The following OR6C76 variants were observed in gnomAD, a reference collection of about 807,000 sequenced individuals.
OR6C76 encodes the protein olfactory receptor family 6 subfamily C member 76, also known as olfactory receptor 6C76.
For synonymous variants in OR6C76, 140 were observed against 137.8 expected (o/e 1.02, Z -0.11); for missense variants, 352 against 357.3 (o/e 0.99, Z 0.12).
rs747017448 is a variant in OR6C76 at position 55,426,800 on chromosome 12, C to T, written c.547C>T (p.Gln183Ter). The change falls in exon 1 of 1, where the codon CAA becomes TAA. Residue 183 changes from glutamine to a stop codon, truncating the protein, a stop_gained. Coordinates refer to ENST00000328314, the MANE Select transcript of OR6C76 (RefSeq NM_001005183.1). LOFTEE classifies it low-confidence loss of function (END_TRUNC). ...TACCTGTGACTCTGCTCCTTTGCTG[C>T]AAATCTCTTGCACAGACACAAGTAC... The part of the protein sequence containing the change: ...HFTCDSAPLL[Q>*]ISCTDTSTLE... 1.9e-6 allele frequency: 3 copies of T among 1,613,520 alleles called. No individual in the cohort carries two copies. The South Asian group carries it at 3.3e-5, about 18-fold the overall frequency.
rs1565685971 is a variant in OR6C76, at chr12:55,427,173, A to C, written c.920A>C (p.His307Pro). ...AFKDVLRKIS[H>P]KKKKH is the part of the protein sequence containing the mutation. ...AAGGATGTTCTGAGAAAGATTTCCC[A>C]CAAAAAAAAAAAACACTGATTTGAA... is the stretch of plus-strand genomic sequence containing the variant. Residue 307 changes from histidine (H) to proline (P), a missense_variant, in exon 1 of 1, where the codon CAC becomes CCC. By Grantham distance (77) the His-to-Pro change is moderately conservative. Transcript: ENST00000328314. 1.3e-6 allele frequency: 2 copies of C among 1,519,650 alleles called. No homozygotes were observed. Among genetic ancestry groups the C allele is most frequent in the East Asian group, 2.3e-5 (1 of 43,568 alleles). 94.1% of individuals were successfully genotyped at this position (1,519,650 alleles called of 1,614,324 possible). A position where few individuals can be genotyped will look rare whatever the true frequency, so the allele number is the denominator to read the frequency against.
Position 55,426,310 on chromosome 12 carries a change from G to T in OR6C76, c.57G>T (p.Pro19=), listed in dbSNP as rs562370919. The T allele has an allele frequency of 2.5e-5, 41 of 1,612,508 alleles. 2 individuals carry two copies. The highest frequency in any genetic ancestry group is 3.3e-4 in the Middle Eastern group (2 of 6,058). Residue 19 remains proline, a synonymous_variant, in exon 1 of 1, where the codon CCG becomes CCT. Coordinates refer to ENST00000328314, the MANE Select transcript of OR6C76 (RefSeq NM_001005183.1). ...DFILLGLTDN[P]QLQVVIFSFL... Reference sequence around the variant, plus strand: ...TCCTTCTGGGTCTGACGGATAATCCGCAACTGCAGGTTGTGATTTTCTCGT... The same window carrying T: ...TCCTTCTGGGTCTGACGGATAATCCTCAACTGCAGGTTGTGATTTTCTCGT...
chr12:55,426,972 CA>C lies in OR6C76; in HGVS notation c.720del (p.His241MetfsTer2). 1 of 1,613,526 alleles carries C rather than the reference CA, an allele frequency of 6.2e-7. No individual in the cohort carries two copies. Among genetic ancestry groups the C allele is most frequent in the Non-Finnish European group, 8.5e-7 (1 of 1,179,692 alleles). ...AAAAAAGCCTTTTCAACCTGCTCCT[CA>C]CATGTGATTGTTGTCTCTATCTCTT... is the stretch of plus-strand genomic sequence containing the variant. ...QRKKAFSTCS[S>X]HVIVVSISYG... On this transcript the variant is annotated frameshift_variant, in exon 1 of 1. Transcript: ENST00000328314. LOFTEE classifies it low-confidence loss of function (END_TRUNC).
Position 55,426,331 on chromosome 12 carries a change from C to T in OR6C76, c.78C>T (p.Phe26=), listed in dbSNP as rs1172901675. The stretch of plus-strand genomic sequence containing the variant: ...ATCCGCAACTGCAGGTTGTGATTTT[C>T]TCGTTCCTATTTCTTACGTATGTAC... ...TDNPQLQVVI[F]SFLFLTYVLS... The change falls in exon 1 of 1, where the codon TTC becomes TTT. Residue 26 remains phenylalanine, a synonymous_variant. Coordinates refer to ENST00000328314, the MANE Select transcript of OR6C76 (RefSeq NM_001005183.1). The T allele has an allele frequency of 5.6e-6, 9 of 1,613,256 alleles. 1 individual carries two copies. Among genetic ancestry groups the T allele is most frequent in the African/African-American group, 5.3e-5 (4 of 74,864 alleles).
At position 55,426,666 on chromosome 12, in the gene OR6C76, G is replaced by A. The variant is rs756557449; in HGVS notation, c.413G>A (p.Cys138Tyr). ...HYTTIMSDRICYQLIISSWLA... is the reference protein window; with the variant it reads ...HYTTIMSDRIYYQLIISSWLA... ...ACAACCATCATGAGTGACAGGATCTGTTATCAGCTTATAATCAGCTCTTGG... is the reference window on the plus strand; with the variant it reads ...ACAACCATCATGAGTGACAGGATCTATTATCAGCTTATAATCAGCTCTTGG... Residue 138 changes from cysteine to tyrosine, a missense_variant, in exon 1 of 1, where the codon TGT becomes TAT. By Grantham distance (194) the Cys-to-Tyr change is radical (BLOSUM62 -2). Transcript: ENST00000328314. The A allele has an allele frequency of 2.5e-6, 4 of 1,613,620 alleles. No individual in the cohort carries two copies. Among genetic ancestry groups the A allele is most frequent in the Non-Finnish European group, 3.4e-6 (4 of 1,179,856 alleles).
Position 55,426,827 on chromosome 12 carries a change from C to T in OR6C76, c.574C>T (p.Leu192=), listed in dbSNP as rs781000112. Residue 192 remains leucine, a synonymous_variant, in exon 1 of 1, where the codon CTA becomes TTA. Coordinates refer to ENST00000328314, the MANE Select transcript of OR6C76 (RefSeq NM_001005183.1). ...LQISCTDTST[L]ELMSFILALF... is the part of the protein sequence containing the mutation. The stretch of plus-strand genomic sequence containing the variant: ...AATCTCTTGCACAGACACAAGTACT[C>T]TAGAGCTCATGAGCTTTATTTTAGC... 47 of 1,613,482 alleles carry T rather than the reference C, an allele frequency of 2.9e-5. No individual in the cohort carries two copies. The East Asian group carries it at 1.0e-3, about 34-fold the overall frequency.
Position 55,426,609 on chromosome 12 carries a change from G to T in OR6C76, c.356G>T (p.Cys119Phe). 1 of 1,613,650 alleles carries T rather than the reference G, an allele frequency of 6.2e-7. No homozygotes were observed. The stretch of plus-strand genomic sequence containing the variant: ...CTCCTGGCCTCTATGTCCTATGATT[G>T]CTATGTGGCTATATGTAAGCCTCTG... ...FFLLASMSYD[C>F]YVAICKPLHY... The change falls in exon 1 of 1, where the codon TGC becomes TTC. Residue 119 changes from cysteine to phenylalanine, a missense_variant. Coordinates refer to ENST00000328314, the MANE Select transcript of OR6C76 (RefSeq NM_001005183.1).
rs748078011 is a variant in OR6C76 at position 55,426,711 on chromosome 12, T to C, written c.458T>C (p.Ile153Thr). ...ISSWLAGFLVIFPPLAMGLQL... is the reference protein window; with the variant it reads ...ISSWLAGFLVTFPPLAMGLQL... ...TCTTGGCTGGCTGGTTTCTTGGTAATTTTTCCACCACTGGCCATGGGCTTA... is the reference window on the plus strand; with the variant it reads ...TCTTGGCTGGCTGGTTTCTTGGTAACTTTTCCACCACTGGCCATGGGCTTA... Residue 153 changes from isoleucine to threonine, a missense_variant, in exon 1 of 1, where the codon ATT becomes ACT. Transcript: ENST00000328314. The C allele has an allele frequency of 4.3e-5, 69 of 1,613,340 alleles. No homozygotes were observed. Among genetic ancestry groups the C allele is most frequent in the Non-Finnish European group, 5.7e-5 (67 of 1,179,834 alleles).
rs773942690 is a variant in OR6C76, at chr12:55,426,993, T to C, written c.740T>C (p.Ile247Thr). The C allele has an allele frequency of 2.5e-6, 4 of 1,613,558 alleles. No individual in the cohort carries two copies. Among genetic ancestry groups the C allele is most frequent in the Non-Finnish European group, 2.5e-6 (3 of 1,179,712 alleles). ...TCSSHVIVVSISYGSCIFMYV... is the reference protein window; with the variant it reads ...TCSSHVIVVSTSYGSCIFMYV... ...TCCTCACATGTGATTGTTGTCTCTA[T>C]CTCTTATGGAAGCTGCATCTTCATG... The change falls in exon 1 of 1, where the codon ATC becomes ACC. Residue 247 changes from isoleucine to threonine, a missense_variant. By Grantham distance (89) the Ile-to-Thr change is moderately conservative. Transcript: ENST00000328314.
rs1172600276 is a variant in OR6C76 at position 55,426,314 on chromosome 12, C to A, written c.61C>A (p.Leu21Met). The change falls in exon 1 of 1, where the codon CTG (leucine) becomes ATG (methionine). Residue 21 changes from leucine (L) to methionine (M), a missense_variant. Transcript: ENST00000328314. ...TCTGGGTCTGACGGATAATCCGCAA[C>A]TGCAGGTTGTGATTTTCTCGTTCCT... ...ILLGLTDNPQ[L>M]QVVIFSFLFL... 1 of 1,612,986 alleles carries A rather than the reference C, an allele frequency of 6.2e-7. No individual in the cohort carries two copies. The highest frequency in any genetic ancestry group is 8.5e-7 in the Non-Finnish European group (1 of 1,179,466).
chr12:55,426,434 C>T lies in OR6C76; in HGVS notation c.181C>T (p.Leu61Phe). The stretch of plus-strand genomic sequence containing the variant: ...CCTGAAGACCCCCATGTATTTCTTC[C>T]TCAGGAATTTCTCCTTGGAAATTTC... The part of the protein sequence containing the change: ...SHLKTPMYFF[L>F]RNFSLEISFT... The change falls in exon 1 of 1, where the codon CTC becomes TTC. Residue 61 changes from leucine to phenylalanine, a missense_variant. Transcript: ENST00000328314. 5 of 1,613,802 alleles carry T rather than the reference C, an allele frequency of 3.1e-6. No homozygotes were observed. The highest frequency in any genetic ancestry group is 2.2e-5 in the East Asian group (1 of 44,882).
Position 55,426,315 on chromosome 12 carries a change from T to C in OR6C76, c.62T>C (p.Leu21Pro), listed in dbSNP as rs1387065056. Residue 21 changes from leucine (L) to proline (P), a missense_variant, in exon 1 of 1, where the codon CTG (leucine) becomes CCG (proline). Leu to Pro is a moderately conservative substitution (Grantham distance 98, BLOSUM62 -3). Coordinates refer to ENST00000328314, the MANE Select transcript of OR6C76 (RefSeq NM_001005183.1). ...ILLGLTDNPQLQVVIFSFLFL... is the reference protein window; with the variant it reads ...ILLGLTDNPQPQVVIFSFLFL... Reference sequence around the variant, plus strand: ...CTGGGTCTGACGGATAATCCGCAACTGCAGGTTGTGATTTTCTCGTTCCTA... The same window carrying C: ...CTGGGTCTGACGGATAATCCGCAACCGCAGGTTGTGATTTTCTCGTTCCTA... The C allele has an allele frequency of 1.9e-6, 3 of 1,613,254 alleles. No homozygotes were observed. Among genetic ancestry groups the C allele is most frequent in the Non-Finnish European group, 1.7e-6 (2 of 1,179,548 alleles).
At position 55,426,578 on chromosome 12, in the gene OR6C76, T is replaced by A. The variant is rs761693421; in HGVS notation, c.325T>A (p.Phe109Ile). Residue 109 changes from phenylalanine (F) to isoleucine (I), a missense_variant, in exon 1 of 1, where the codon TTT becomes ATT. Physicochemically the swap from Phe to Ile is conservative, Grantham distance 21. Transcript: ENST00000328314. The part of the protein sequence containing the change: ...FFFIFLGSTE[F>I]FLLASMSYDC... ...CTTTATCTTCCTTGGCTCAACGGAG[T>A]TTTTCCTCCTGGCCTCTATGTCCTA... 6.2e-7 allele frequency: 1 copy of A among 1,613,646 alleles called. No individual in the cohort carries two copies. The highest frequency in any genetic ancestry group is 1.7e-5 in the Admixed American group (1 of 59,954).
chr12:55,426,366 C>T lies in OR6C76; in HGVS notation c.113C>T (p.Thr38Ile). 1 of 1,613,412 alleles carries T rather than the reference C, an allele frequency of 6.2e-7. No individual in the cohort carries two copies. The highest frequency in any genetic ancestry group is 8.5e-7 in the Non-Finnish European group (1 of 1,179,464). Reference protein sequence around the residue: ...FLFLTYVLSVTGNLTIISLTL... With the variant: ...FLFLTYVLSVIGNLTIISLTL... The stretch of plus-strand genomic sequence containing the variant: ...TTTCTTACGTATGTACTGAGTGTTA[C>T]TGGAAATCTAACTATCATCTCCCTT... Residue 38 changes from threonine to isoleucine, a missense_variant, in exon 1 of 1, where the codon ACT (threonine) becomes ATT (isoleucine). Thr to Ile is a moderately conservative substitution (Grantham distance 89). Transcript: ENST00000328314.
Position 55,426,880 on chromosome 12 carries a change from A to G in OR6C76, c.627A>G (p.Ile209Met), listed in dbSNP as rs985967267. Residue 209 changes from isoleucine (I) to methionine (M), a missense_variant, in exon 1 of 1, where the codon ATA (isoleucine) becomes ATG (methionine). By Grantham distance (10) the Ile-to-Met change is conservative. Coordinates refer to ENST00000328314, the MANE Select transcript of OR6C76 (RefSeq NM_001005183.1). ...LALFTLISTL[I>M]LVILSYTYII... ...TGTTTACTCTTATATCCACTTTGAT[A>G]TTAGTAATTCTCTCCTATACTTACA... 1.9e-6 allele frequency: 3 copies of G among 1,613,334 alleles called. No individual in the cohort carries two copies. Among genetic ancestry groups the G allele is most frequent in the Non-Finnish European group, 2.5e-6 (3 of 1,179,634 alleles).
In OR6C76 at chr12:55,426,365, A is replaced by C; in HGVS notation, c.112A>C (p.Thr38Pro). The C allele has an allele frequency of 6.2e-7, 1 of 1,613,410 alleles. No individual in the cohort carries two copies. The highest frequency in any genetic ancestry group is 8.5e-7 in the Non-Finnish European group (1 of 1,179,450). The part of the protein sequence containing the change: ...FLFLTYVLSV[T>P]GNLTIISLTL... ...ATTTCTTACGTATGTACTGAGTGTT[A>C]CTGGAAATCTAACTATCATCTCCCT... The change falls in exon 1 of 1, where the codon ACT (threonine) becomes CCT (proline). Residue 38 changes from threonine (T) to proline (P), a missense_variant. Thr to Pro is a conservative substitution (Grantham distance 38). Transcript: ENST00000328314.
In OR6C76 at chr12:55,426,763, C is replaced by T. The variant is rs116261510; in HGVS notation, c.510C>T (p.Val170=). The T allele has an allele frequency of 5.6e-6, 9 of 1,613,292 alleles. No homozygotes were observed. In the Admixed American group the frequency reaches 1.2e-4, roughly 21 times the overall value. ...GLQLDFCDSN[V]IDHFTCDSAP... is the part of the protein sequence containing the mutation. ...AGCTGGATTTCTGTGACTCCAATGT[C>T]ATTGACCACTTTACCTGTGACTCTG... Residue 170 remains valine, a synonymous_variant, in exon 1 of 1, where the codon GTC becomes GTT. Transcript: ENST00000328314.
chr12:55,426,660 G>C lies in OR6C76; in HGVS notation c.407G>C (p.Arg136Thr), dbSNP rs750768975. The C allele has an allele frequency of 1.2e-6, 2 of 1,613,710 alleles. No homozygotes were observed. Among genetic ancestry groups the C allele is most frequent in the Non-Finnish European group, 1.7e-6 (2 of 1,179,830 alleles). Residue 136 changes from arginine (R) to threonine (T), a missense_variant, in exon 1 of 1, where the codon AGG becomes ACG. Coordinates refer to ENST00000328314, the MANE Select transcript of OR6C76 (RefSeq NM_001005183.1). Reference sequence around the variant, plus strand: ...CATTATACAACCATCATGAGTGACAGGATCTGTTATCAGCTTATAATCAGC... The same window carrying C: ...CATTATACAACCATCATGAGTGACACGATCTGTTATCAGCTTATAATCAGC... The part of the protein sequence containing the change: ...PLHYTTIMSD[R>T]ICYQLIISSW...
At position 55,427,120 on chromosome 12, in the gene OR6C76, A is replaced by T. The variant is rs1266920353; in HGVS notation, c.867A>T (p.Leu289=). Reference sequence around the variant, plus strand: ...TGCTGAATCCATTTATTTACACTCTAAGAAACCAGCAGGTGAAACAAGCAT... The same window carrying T: ...TGCTGAATCCATTTATTTACACTCTTAGAAACCAGCAGGTGAAACAAGCAT... ...APMLNPFIYT[L]RNQQVKQAFK... Residue 289 remains leucine, a synonymous_variant, in exon 1 of 1, where the codon CTA becomes CTT. Coordinates refer to ENST00000328314, the MANE Select transcript of OR6C76 (RefSeq NM_001005183.1). The T allele has an allele frequency of 6.2e-7, 1 of 1,608,088 alleles. No individual in the cohort carries two copies. Among genetic ancestry groups the T allele is most frequent in the African/African-American group, 1.3e-5 (1 of 74,496 alleles).
Sources: gnomAD v4.1 joint callset for allele counts on GRCh38, gnomAD v4.1.1 for gene constraint, MANE v1.5 for transcripts, NCBI Gene and HGNC (gene_info 2026-07-23, HGNC 2026-07-21) for gene names.